Variants in FAF1 observed in about 807,000 individuals in gnomAD.
FAF1 encodes FAS-associated factor 1.
Under a neutral mutation model 92.5 loss-of-function variants are expected in FAF1, and 25 were observed. The observed-to-expected ratio is 0.27, with a 90% CI of 0.20 to 0.38. The LOEUF (loss-of-function observed/expected upper bound fraction) is 0.38. Ranked by LOEUF, FAF1 falls within the 10% of genes least tolerant of loss-of-function variation. The probability of loss-of-function intolerance (pLI) is 1.00; values close to 1 mark genes in which losing one functional copy is unlikely to be tolerated. For missense variants in FAF1, 636 were observed against 793.3 expected (o/e 0.80, Z 2.38); for synonymous variants, 234 against 273.2 (o/e 0.86, Z 1.42).
Position 50,738,868 on chromosome 1 carries a change from A to G in FAF1, c.546T>C (p.His182=). ...PDLPPPSSSS[H]AGALQESLNQ... is the part of the protein sequence containing the mutation. ...AGGAAATATAAACAACTTACCCAGC[A>G]TGACTAGATGATGAAGGTGGTGGCA... The change falls in exon 6 of 19, where the codon CAT becomes CAC. Residue 182 remains histidine (H), a synonymous_variant. Coordinates refer to ENST00000396153, the MANE Select transcript of FAF1 (RefSeq NM_007051.3). 2 of 1,597,172 alleles carry G rather than the reference A, an allele frequency of 1.3e-6. No individual in the cohort carries two copies. Among genetic ancestry groups the G allele is most frequent in the Non-Finnish European group, 1.7e-6 (2 of 1,166,808 alleles).
chr1:50,831,805 CAAA>C (rs1157102526), intron 2 of FAF1, among the ~76,000 whole-genome samples: 6 of 81,728 alleles, frequency 7.3e-5, no homozygotes, highest in African/African-American at 1.8e-4. Flanking sequence ...TTATCAGAGA[CAAA>C]AAAAAAAAAA....
At chr1:50,463,089 T>G (rs1270834102) in intron 18 of FAF1, among the ~76,000 whole-genome samples, 1 of 152,216 alleles carries the variant, frequency 6.6e-6, no homozygotes, top group Non-Finnish European at 1.5e-5. Flanking sequence ...TAGTTTATGA[T>G]GAACACTTGC....
At chr1:50,649,239 G>A (rs1367324128) in intron 8 of FAF1, among the ~76,000 whole-genome samples, 5 of 151,386 alleles carry the variant, frequency 3.3e-5, no homozygotes, top group Middle Eastern at 3.2e-3. Flanking sequence ...TGCAACCTCC[G>A]CCTTCCGGGT....
intron 15 of FAF1, among the ~76,000 whole-genome samples, chr1:50,516,069 G>A (rs1222921019): frequency 6.6e-6 from 1 of 152,058 alleles, no homozygotes; most frequent in Non-Finnish European, 1.5e-5. Flanking sequence ...TTATCAAGTG[G>A]CTACTAACTG....
At chr1:50,885,324 ACT>A (rs1341216464) in intron 1 of FAF1, among the ~76,000 whole-genome samples, 47 of 102,010 alleles carry the variant, frequency 4.6e-4, no homozygotes, top group African/African-American at 9.5e-4. Flanking sequence ...ACACACACAC[ACT>A]CTCTCTCTCT....
chr1:50,949,894 G>A (rs1645200910), intron 1 of FAF1, among the ~76,000 whole-genome samples: 1 of 151,444 alleles, frequency 6.6e-6, no homozygotes, highest in African/African-American at 2.4e-5. Context: ...GGGTCTCTCT[G>A]TCACCCACCC....
rs777950668 is a variant in FAF1 at position 50,744,809 on chromosome 1, CA to C, written c.368-35del. On this transcript the variant is annotated intron_variant, in intron 4 of 18. Coordinates refer to ENST00000396153, the MANE Select transcript of FAF1 (RefSeq NM_007051.3). ...ATAAGAAGAGATCAAATATTACTAA[CA>C]AAATAACACAGTTAACATTTGTCCA... 3.2e-6 allele frequency: 4 copies of C among 1,241,258 alleles called. No individual in the cohort carries two copies. The Admixed American group carries it at 5.9e-5, about 18-fold the overall frequency. The allele number at this position is 1,241,258 out of a possible 1,614,324, so 76.9% of individuals were successfully genotyped here. A position where few individuals can be genotyped will look rare whatever the true frequency, so the allele number is the denominator to read the frequency against.
chr1:50,758,295 C>T (rs900386939), intron 4 of FAF1, among the ~76,000 whole-genome samples: 1 of 152,160 alleles, frequency 6.6e-6, no homozygotes, highest in Non-Finnish European at 1.5e-5. Flanking sequence ...CTCAAGTGAT[C>T]CACCTGCCTC....
In FAF1 at chr1:50,589,346, C is replaced by T. The variant is rs140105935; in HGVS notation, c.841-4535G>A. ...CTTAGGCACCTGAAAAATACGAAGT[C>T]TGCTGAGGAGGGATTCTAGACCCAA... is the stretch of plus-strand genomic sequence containing the variant. On this transcript the variant is annotated intron_variant, in intron 9 of 18. Coordinates refer to ENST00000396153, the MANE Select transcript of FAF1 (RefSeq NM_007051.3). Among the ~76,000 whole-genome samples, 7 of 152,132 alleles carry T rather than the reference C, an allele frequency of 4.6e-5. No homozygotes were observed. In the East Asian group the frequency reaches 1.2e-3, roughly 25 times the overall value.
At chr1:50,930,800 C>T (rs1418317333) in intron 1 of FAF1, among the ~76,000 whole-genome samples, 1 of 150,444 alleles carries the variant, frequency 6.6e-6, no homozygotes, top group South Asian at 2.1e-4. Flanking sequence ...GACTCCGTCT[C>T]AAAAAAGAAA....
intron 14 of FAF1, among the ~76,000 whole-genome samples, chr1:50,537,226 G>C (rs1006341588): frequency 2.4e-4 from 36 of 152,298 alleles, no homozygotes; most frequent in African/African-American, 8.4e-4. Flanking sequence ...AAATACTATA[G>C]TTGTATAGGT....
intron 12 of FAF1, among the ~76,000 whole-genome samples, chr1:50,575,576 A>G (rs1327805919): frequency 6.6e-6 from 1 of 152,246 alleles, no homozygotes; most frequent in Non-Finnish European, 1.5e-5. Flanking sequence ...CTCTTACAGC[A>G]AATACATTAT....
chr1:50,816,216 T>C (rs926076053), intron 2 of FAF1, among the ~76,000 whole-genome samples: 10 of 147,054 alleles, frequency 6.8e-5, no homozygotes, highest in Admixed American at 2.0e-4. Context: ...TTTTTTTTTT[T>C]TTTTTTGAGA....
intron 2 of FAF1, among the ~76,000 whole-genome samples, chr1:50,810,119 G>A (rs889400447): frequency 6.6e-6 from 1 of 152,184 alleles, no homozygotes; most frequent in Non-Finnish European, 1.5e-5. Context: ...GCCAGGAGTG[G>A]TGGTGCATGC....
At chr1:50,924,337 C>T (rs556733120) in intron 1 of FAF1, among the ~76,000 whole-genome samples, 23 of 145,756 alleles carry the variant, frequency 1.6e-4, no homozygotes, top group Non-Finnish European at 3.2e-4. Flanking sequence ...AAAACAACAA[C>T]AACCTAGGAA....
chr1:50,451,803 TC>T, intron 18 of FAF1: 1 of 988,360 alleles, frequency 1.0e-6, no homozygotes, highest in Non-Finnish European at 1.2e-6. Flanking sequence ...CCAAGTTTAT[TC>T]AGCATTCATG....
Position 50,535,363 on chromosome 1 carries a change from C to T in FAF1, c.1494+6G>A. 1 of 1,591,564 alleles carries T rather than the reference C, an allele frequency of 6.3e-7. No homozygotes were observed. Among genetic ancestry groups the T allele is most frequent in the African/African-American group, 1.3e-5 (1 of 74,556 alleles). On this transcript the variant is annotated splice_donor_region_variant and intron_variant, in intron 15 of 18. Coordinates refer to ENST00000396153, the MANE Select transcript of FAF1 (RefSeq NM_007051.3). ...AAAATCCTATTAAAGATCTGCATAA[C>T]CTTACCTCGTCCTTTATATCTTCCT...
At chr1:50,899,388 C>A (rs111485988) in intron 1 of FAF1, among the ~76,000 whole-genome samples, 1,934 of 152,234 alleles carry the variant, frequency 0.013, 35 homozygotes, top group African/African-American at 0.043. Flanking sequence ...TTTCTAGCTT[C>A]TTACATGCTT....
intron 4 of FAF1, among the ~76,000 whole-genome samples, chr1:50,775,148 T>C (rs1660909426): frequency 6.6e-6 from 1 of 152,172 alleles, no homozygotes; most frequent in South Asian, 2.1e-4. Flanking sequence ...ATGAGTTATA[T>C]CTATAATAAT....
Sources: allele counts gnomAD v4.1 joint callset (sites outside exome capture counted in the v4.1 genomes callset), GRCh38; gene constraint gnomAD v4.1.1; transcripts MANE v1.5; gene names NCBI Gene and HGNC (gene_info 2026-07-23, HGNC 2026-07-21).